Variants in SPATA13 observed in about 807,000 individuals in gnomAD.
SPATA13 encodes the protein spermatogenesis-associated protein 13.
In SPATA13, 50 loss-of-function variants were observed where a neutral mutation model predicts 104.0. The ratio of observed to expected loss-of-function variants is 0.48; its 90% CI spans 0.38 to 0.61. The LOEUF (loss-of-function observed/expected upper bound fraction) is 0.61, where lower values mean the gene tolerates loss of function less well. Among genes scored for constraint, SPATA13 ranks in the 20% least tolerant of loss-of-function variants. The pLI is 0.00. For synonymous variants in SPATA13, 606 were observed against 667.5 expected, an observed-to-expected ratio of 0.91 and a Z score of 1.42; for missense variants, 1,524 against 1,690.6, an observed-to-expected ratio of 0.90 and a Z score of 1.73.
At chr13:24,046,007 A>G (rs773292037) in intron 3 of SPATA13, among the ~76,000 whole-genome samples, 2 of 152,230 alleles carry the variant, frequency 1.3e-5, no homozygotes, top group African/African-American at 2.4e-5. Flanking sequence ...TCATATTTGA[A>G]TTCTACTACC....
At chr13:23,983,260 G>C (rs1183713760) in intron 1 of SPATA13, among the ~76,000 whole-genome samples, 1 of 152,148 alleles carries the variant, frequency 6.6e-6, no homozygotes, top group Non-Finnish European at 1.5e-5. Context: ...GCGCTCCTTG[G>C]CTCACAAACA....
intron 3 of SPATA13, among the ~76,000 whole-genome samples, chr13:24,136,505 G>GAA (rs1211468898): frequency 1.3e-5 from 2 of 150,540 alleles, no homozygotes; most frequent in Non-Finnish European, 1.5e-5. Flanking sequence ...GAAAGAAAGT[G>GAA]AGAGAGAGGG....
intron 4 of SPATA13, among the ~76,000 whole-genome samples, chr13:24,275,898 C>A (rs1266398535): frequency 6.6e-6 from 1 of 152,234 alleles, no homozygotes; most frequent in African/African-American, 2.4e-5. Context: ...CGCGCCACAG[C>A]ACTCCAGCCT....
intron 2 of SPATA13, among the ~76,000 whole-genome samples, chr13:24,229,558 AT>A (rs753078913): frequency 1.3e-5 from 2 of 152,066 alleles, no homozygotes; most frequent in Non-Finnish European, 2.9e-5. Flanking sequence ...TGTTTAGATG[AT>A]TTTTCCATCC....
chr13:24,234,151 G>A (rs974633037), intron 2 of SPATA13, among the ~76,000 whole-genome samples: 1 of 152,132 alleles, frequency 6.6e-6, no homozygotes, highest in Non-Finnish European at 1.5e-5. Flanking sequence ...GTAACCATTT[G>A]TAATCAACTT....
intron 3 of SPATA13, among the ~76,000 whole-genome samples, chr13:24,112,934 T>C (rs1880694507): frequency 6.6e-6 from 1 of 152,242 alleles, no homozygotes; most frequent in Non-Finnish European, 1.5e-5. Context: ...AGAATTCTAC[T>C]GATTTATAAT....
intron 1 of SPATA13, among the ~76,000 whole-genome samples, chr13:24,184,567 A>G (rs1869025689): frequency 6.6e-6 from 1 of 151,958 alleles, no homozygotes; most frequent in Admixed American, 6.5e-5. Flanking sequence ...TAACTTGTTG[A>G]TTTTTTTTCT....
intron 3 of SPATA13, among the ~76,000 whole-genome samples, chr13:24,058,403 C>T (rs921489544): frequency 6.6e-6 from 1 of 151,806 alleles, no homozygotes; most frequent in Non-Finnish European, 1.5e-5. Flanking sequence ...CTGATATCTC[C>T]ATTTTATGAC....
intron 9 of SPATA13, 41 bp downstream of exon 9, chr13:24,290,925 G>A: frequency 6.6e-7 from 1 of 1,520,420 alleles, no homozygotes; most frequent in Non-Finnish European, 9.1e-7. Context: ...GAGCACTGCT[G>A]CCATTACCCG....
chr13:24,266,581 A>G (rs1874305704), intron 4 of SPATA13, among the ~76,000 whole-genome samples: 1 of 151,358 alleles, frequency 6.6e-6, no homozygotes, highest in South Asian at 2.1e-4. Context: ...ACCACACACA[A>G]TCTTCAGTGT....
intron 3 of SPATA13, among the ~76,000 whole-genome samples, chr13:24,107,084 G>T (rs959963589): frequency 6.6e-6 from 1 of 151,796 alleles, no homozygotes; most frequent in Non-Finnish European, 1.5e-5. Flanking sequence ...ATTTATGCTT[G>T]CCAGAATAGT....
At chr13:24,026,414 A>G (rs1877218121) in intron 3 of SPATA13, among the ~76,000 whole-genome samples, 2 of 152,096 alleles carry the variant, frequency 1.3e-5, no homozygotes, top group Admixed American at 6.6e-5. Context: ...CTTGTGTTCC[A>G]GATCTGGTTT....
chr13:24,277,659 A>C (rs1020608400), intron 4 of SPATA13, among the ~76,000 whole-genome samples: 7 of 152,118 alleles, frequency 4.6e-5, no homozygotes, highest in African/African-American at 1.7e-4. Flanking sequence ...TTGGAACCTC[A>C]GTTTCCACAT....
At chr13:24,230,725 G>C (rs1171474283) in intron 2 of SPATA13, among the ~76,000 whole-genome samples, 4 of 152,210 alleles carry the variant, frequency 2.6e-5, no homozygotes, top group Non-Finnish European at 5.9e-5. Flanking sequence ...ATTGTGCTCA[G>C]GGAGCTGCAG....
At chr13:24,003,025 C>T (rs1036939186) in intron 2 of SPATA13, among the ~76,000 whole-genome samples, 11 of 152,164 alleles carry the variant, frequency 7.2e-5, no homozygotes, top group African/African-American at 2.2e-4. Flanking sequence ...TGATCTCAGG[C>T]CAGGAGTGTA....
intron 3 of SPATA13, among the ~76,000 whole-genome samples, chr13:24,066,286 C>T (rs1008832119): frequency 6.6e-6 from 1 of 152,160 alleles, no homozygotes; most frequent in Admixed American, 6.5e-5. Context: ...TATGCCCCAC[C>T]TGAATTTCAC....
intron 1 of SPATA13, among the ~76,000 whole-genome samples, chr13:24,217,088 A>G (rs1871294322): frequency 6.6e-6 from 1 of 152,122 alleles, no homozygotes; most frequent in South Asian, 2.1e-4. Context: ...AAACAAAAAA[A>G]AGGAAATGAT....
chr13:24,159,751 G>A (rs896672496), upstream of SPATA13, among the ~76,000 whole-genome samples: 16 of 151,844 alleles, frequency 1.1e-4, no homozygotes, highest in African/African-American at 3.9e-4. Context: ...CTTTTCATTG[G>A]GTAATATAAT....
chr13:24,125,149 T>C (rs1406287392), intron 3 of SPATA13, among the ~76,000 whole-genome samples: 3 of 152,202 alleles, frequency 2.0e-5, no homozygotes, highest in Non-Finnish European at 4.4e-5. Flanking sequence ...TAGTTTCTGC[T>C]CCCGCATAAC....
Sources: gnomAD v4.1 joint callset for allele counts (sites outside exome capture counted in the v4.1 genomes callset) on GRCh38, gnomAD v4.1.1 for gene constraint, MANE v1.5 for transcripts, NCBI Gene and HGNC (gene_info 2026-07-23, HGNC 2026-07-21) for gene names.